Variants in PDE4C observed in about 807,000 individuals in gnomAD.
PDE4C encodes the protein 3',5'-cyclic-AMP phosphodiesterase 4C.
PDE4C carries 50 observed loss-of-function variants against 63.9 expected under a neutral mutation model. That is an observed-to-expected ratio of 0.78 (90% CI 0.62 to 0.99). The LOEUF (loss-of-function observed/expected upper bound fraction) is 0.99. Among genes scored for constraint, PDE4C ranks in the 50% least tolerant of loss-of-function variants. The pLI is 0.00. For synonymous variants in PDE4C, 377 were observed against 385.1 expected (o/e 0.98, Z 0.25); for missense variants, 777 against 899.1 (o/e 0.86, Z 1.74).
chr19:18,224,323 G>A (rs1248867732), intron 1 of PDE4C: 2 of 985,366 alleles, frequency 2.0e-6, no homozygotes, highest in African/African-American at 3.5e-5. Flanking sequence ...TCCCGGCCGA[G>A]GGCCAGTGTC....
chr19:18,244,274 A>G (rs1568269337), intron 1 of PDE4C, among the ~76,000 whole-genome samples: 1 of 149,984 alleles, frequency 6.7e-6, no homozygotes, highest in Non-Finnish European at 1.5e-5. Context: ...GGAGACCCTG[A>G]GCTACCTCCC....
intron 1 of PDE4C, among the ~76,000 whole-genome samples, chr19:18,239,273 G>A (rs1969001612): frequency 6.6e-6 from 1 of 152,192 alleles, no homozygotes; most frequent in Admixed American, 6.5e-5. Context: ...TTGAAGGAAG[G>A]ACTGAATGGG....
chr19:18,239,344 G>C (rs895191846), intron 1 of PDE4C, among the ~76,000 whole-genome samples: 1 of 152,214 alleles, frequency 6.6e-6, no homozygotes, highest in Non-Finnish European at 1.5e-5. Flanking sequence ...TACATTTTAA[G>C]AACAGGCAGA....
rs761561470 is a variant in PDE4C at position 18,211,244 on chromosome 19, CA to C, written c.1727del (p.Leu576ArgfsTer53). On this transcript the variant is annotated frameshift_variant, in exon 15 of 15. Transcript: ENST00000262805. LOFTEE classifies it low-confidence loss of function (END_TRUNC). The stretch of plus-strand genomic sequence containing the variant: ...GGACCAGGTCAGCCCAAGTCTCCCA[CA>C]GTGGGTGAGCAATGTAGTCAATGAA... 1 of 1,602,968 alleles carries C rather than the reference CA, an allele frequency of 6.2e-7. No homozygotes were observed. Among genetic ancestry groups the C allele is most frequent in the Non-Finnish European group, 8.5e-7 (1 of 1,173,230 alleles).
chr19:18,210,836 GGAGCCACA>G, exon 15 of PDE4C: 2 of 1,504,668 alleles, frequency 1.3e-6, no homozygotes, highest in Non-Finnish European at 1.8e-6. Flanking sequence ...AAGTGAAGCA[GGAGCCACA>G]TGGAGCCTCT....
chr19:18,245,441 A>G (rs1343518433), intron 1 of PDE4C, among the ~76,000 whole-genome samples: 7 of 152,150 alleles, frequency 4.6e-5, no homozygotes, highest in African/African-American at 1.7e-4. Flanking sequence ...CTGGGATTAC[A>G]TGTGTGAGCC....
intron 12 of PDE4C, among the ~76,000 whole-genome samples, chr19:18,216,205 C>A (rs1313548620): frequency 1.3e-5 from 2 of 151,422 alleles, no homozygotes; most frequent in Non-Finnish European, 2.9e-5. Context: ...TGCCTGGGTA[C>A]AGCCAGGATC....
At chr19:18,213,296 A>C (rs371758796) in intron 13 of PDE4C, 72 bp downstream of exon 13, 2 of 1,329,100 alleles carry the variant, frequency 1.5e-6, no homozygotes, top group South Asian at 1.5e-5. Context: ...TAAATAAATA[A>C]ATACATAAAT....
At chr19:18,208,175 T>C (rs1286446122), downstream of PDE4C, 1 of 152,224 alleles carries the variant, frequency 6.6e-6, no homozygotes, top group African/African-American at 2.4e-5. Context: ...TGGAATTTTA[T>C]CATTAACTGT....
chr19:18,232,314 G>A (rs1342481967), intron 1 of PDE4C, among the ~76,000 whole-genome samples: 1 of 152,018 alleles, frequency 6.6e-6, no homozygotes, highest in Non-Finnish European at 1.5e-5. Context: ...AGTGAGCCAT[G>A]ATCGAGACAC....
chr19:18,218,731 G>A (rs1968325720), intron 9 of PDE4C, among the ~76,000 whole-genome samples: 2 of 152,154 alleles, frequency 1.3e-5, no homozygotes, highest in South Asian at 4.1e-4. Context: ...TCCTCTTCAG[G>A]GCCAGGGGCC....
intron 1 of PDE4C, among the ~76,000 whole-genome samples, chr19:18,222,925 C>A (rs1041796991): frequency 6.6e-6 from 1 of 152,086 alleles, no homozygotes; most frequent in East Asian, 1.9e-4. Context: ...GTCTTGAACT[C>A]CTGGCCTCAA....
chr19:18,216,882 C>T (rs765065097), exon 12 of PDE4C: 187 of 1,612,296 alleles, frequency 1.2e-4, no homozygotes, highest in Non-Finnish European at 1.4e-4. Context: ...TGTACATAAG[C>T]GCCAGCTCTG....
rs1215028425 is a variant in PDE4C at position 18,220,111 on chromosome 19, GA to G, written c.706+114del. 1 of 825,006 alleles carries G rather than the reference GA, an allele frequency of 1.2e-6. No individual in the cohort carries two copies. Among genetic ancestry groups the G allele is most frequent in the African/African-American group, 1.7e-5 (1 of 59,820 alleles). The allele number at this position is 825,006 out of a possible 1,614,324, so 51.1% of individuals were successfully genotyped here. On this transcript the variant is annotated intron_variant, in intron 7 of 14. Coordinates refer to ENST00000262805, the Ensembl canonical transcript of PDE4C. This position sits in a 1 kb window ranked among gnomAD's most constrained non-coding sequence, Gnocchi z 5.1. ...GATCCAGCCCTGACTCATGGGGGCTGAAGGTGTCTGTGTCTGGCTGTATCTC... is the reference window on the plus strand; with the variant it reads ...GATCCAGCCCTGACTCATGGGGGCTGAGGTGTCTGTGTCTGGCTGTATCTC...
At chr19:18,233,054 G>A in exon 1 of PDE4C, 1 of 1,568,406 alleles carries the variant, frequency 6.4e-7, no homozygotes, top group South Asian at 1.2e-5. Context: ...GATCCGAATA[G>A]AAGCGCTGTT....
intron 1 of PDE4C, among the ~76,000 whole-genome samples, chr19:18,241,228 TTTTC>T (rs1206034165): frequency 2.6e-5 from 4 of 151,334 alleles, no homozygotes; most frequent in South Asian, 2.1e-4. Context: ...TTCTTTTTTC[TTTTC>T]TTTCTTTCTT....
intron 12 of PDE4C, among the ~76,000 whole-genome samples, 185 bp from the exon 13 acceptor site, chr19:18,213,675 G>T (rs1448883263): frequency 1.3e-5 from 2 of 152,240 alleles, no homozygotes; most frequent in African/African-American, 4.8e-5. Flanking sequence ...TCAGTCAGGG[G>T]CCCCTTTTGG....
chr19:18,208,501 C>T (rs1445691017), downstream of PDE4C: 3 of 151,318 alleles, frequency 2.0e-5, no homozygotes, highest in South Asian at 2.1e-4. Flanking sequence ...AAGCGCGCCC[C>T]GCCGTGTCTC....
At chr19:18,216,521 C>T (rs1031788908) in intron 12 of PDE4C, among the ~76,000 whole-genome samples, 9 of 152,068 alleles carry the variant, frequency 5.9e-5, no homozygotes, top group African/African-American at 9.7e-5. Context: ...GTGATTCGCC[C>T]GCCTCTGCTT....
Sources: gnomAD v4.1 joint callset for allele counts (sites outside exome capture counted in the v4.1 genomes callset) on GRCh38, gnomAD v4.1.1 for gene constraint, Gnocchi (gnomAD v3.1) non-coding constraint, MANE v1.5 for transcripts, NCBI Gene and HGNC (gene_info 2026-07-23, HGNC 2026-07-21) for gene names.